RSF1: variants seen among roughly 807,000 people sequenced by gnomAD.
RSF1 encodes the protein remodeling and spacing factor 1, also known as HBV pX-associated protein 8.
In RSF1, 13 loss-of-function variants were observed where a neutral mutation model predicts 145.2. The observed-to-expected ratio is 0.09, with a 90% CI of 0.06 to 0.14. The LOEUF (loss-of-function observed/expected upper bound fraction) is 0.14, where lower values mean the gene tolerates loss of function less well. Ranked by LOEUF, RSF1 falls within the 10% of genes least tolerant of loss-of-function variation. RSF1 has a pLI of 1.00. For missense variants in RSF1, 1,517 were observed against 1,718.2 expected (o/e 0.88, Z 2.07); for synonymous variants, 577 against 592.6 (o/e 0.97, Z 0.38).
chr11:77,773,142 A>G (rs1320961706), intron 1 of RSF1, among the ~76,000 whole-genome samples: 1 of 152,216 alleles, frequency 6.6e-6, no homozygotes, highest in African/African-American at 2.4e-5. Flanking sequence ...TTCCTTTCTT[A>G]AAAAACAGCA....
chr11:77,735,161 G>A (rs1343134903), intron 4 of RSF1: 3 of 701,048 alleles, frequency 4.3e-6, no homozygotes, highest in Admixed American at 2.0e-5. Context: ...GCTGGGGTGG[G>A]GGACGAGCAC....
At chr11:77,832,291 T>C in the RSF1 span, among the ~76,000 whole-genome samples, 1 of 151,812 alleles carries the variant, frequency 6.6e-6, no homozygotes, top group East Asian at 1.9e-4. Context: ...TCTTTGAGTT[T>C]ATAAGTTTAT....
chr11:77,677,133 G>A (rs1374742178), intron 12 of RSF1, 134 bp from the exon 13 acceptor site: 4 of 692,162 alleles, frequency 5.8e-6, no homozygotes, highest in Non-Finnish European at 9.7e-6. Context: ...CAAATATGCA[G>A]TTTTCTTATG....
chr11:77,753,584 T>C (rs959268969), intron 2 of RSF1, among the ~76,000 whole-genome samples: 4 of 152,224 alleles, frequency 2.6e-5, no homozygotes, highest in African/African-American at 7.2e-5. Flanking sequence ...ATGAGAATTT[T>C]TGTGATTTTT....
chr11:77,673,986 G>T (rs915332560), intron 14 of RSF1, among the ~76,000 whole-genome samples: 1 of 151,302 alleles, frequency 6.6e-6, no homozygotes, highest in Non-Finnish European at 1.5e-5. Flanking sequence ...GTTAGGAAAA[G>T]AAAAAAAAGA....
At chr11:77,754,988 T>G (rs1948101401) in intron 2 of RSF1, among the ~76,000 whole-genome samples, 1 of 151,972 alleles carries the variant, frequency 6.6e-6, no homozygotes, top group Non-Finnish European at 1.5e-5. Flanking sequence ...AAAAGACCAG[T>G]GTAAATTAAC....
intron 2 of RSF1, among the ~76,000 whole-genome samples, chr11:77,749,771 C>T (rs538354824): frequency 5.3e-5 from 8 of 152,160 alleles, no homozygotes; most frequent in Non-Finnish European, 8.8e-5. Context: ...ATTTCTGAGA[C>T]GGAGTCTCAC....
chr11:77,682,009 T>C (rs1264104383), intron 11 of RSF1, among the ~76,000 whole-genome samples: 1 of 152,190 alleles, frequency 6.6e-6, no homozygotes, highest in African/African-American at 2.4e-5. Flanking sequence ...ATCTCTATGG[T>C]TTTTCCTGTA....
chr11:77,752,467 G>A (rs906908235), intron 2 of RSF1, among the ~76,000 whole-genome samples: 2 of 151,948 alleles, frequency 1.3e-5, no homozygotes, highest in African/African-American at 2.4e-5. Context: ...TTTCACGCCC[G>A]CCCTATGTAG....
chr11:77,692,233 A>AATTTTTTTTTT (rs1960168661), intron 8 of RSF1, among the ~76,000 whole-genome samples: 1 of 49,472 alleles, frequency 2.0e-5, no homozygotes, highest in Non-Finnish European at 3.3e-5. Context: ...CTACTTTTAA[A>AATTTTTTTTTT]TTTTTTTTTT....
chr11:77,746,303 G>C (rs747990285), intron 3 of RSF1, among the ~76,000 whole-genome samples: 7 of 152,088 alleles, frequency 4.6e-5, no homozygotes, highest in South Asian at 2.1e-4. Flanking sequence ...AGACTTCTGT[G>C]TAGGCTCCAA....
intron 2 of RSF1, among the ~76,000 whole-genome samples, chr11:77,748,444 T>C (rs1342602356): frequency 1.3e-5 from 2 of 151,826 alleles, no homozygotes; most frequent in African/African-American, 2.4e-5. Context: ...AGATGGACAA[T>C]GGACAGTTTA....
intron 3 of RSF1, among the ~76,000 whole-genome samples, chr11:77,744,406 C>G (rs369655266): frequency 6.6e-6 from 1 of 152,170 alleles, no homozygotes; most frequent in Admixed American, 6.5e-5. Context: ...CTCAAGCAAT[C>G]CTCTGCCTCA....
the RSF1 span, among the ~76,000 whole-genome samples, chr11:77,845,094 T>C: frequency 6.6e-6 from 1 of 152,196 alleles, no homozygotes; most frequent in African/African-American, 2.4e-5. Flanking sequence ...GAGTTTGTCC[T>C]ACTTGGAATT....
At chr11:77,820,067 C>T (rs2135998789) in intron 1 of RSF1, among the ~76,000 whole-genome samples, 1 of 152,266 alleles carries the variant, frequency 6.6e-6, no homozygotes, top group Non-Finnish European at 1.5e-5. Context: ...GCAGCCGAGC[C>T]CAGCCTTCCC....
In RSF1 at chr11:77,692,495, C is replaced by T. The variant is rs561754122; in HGVS notation, c.2820+1012G>A. Among the ~76,000 whole-genome samples, 334 of 101,058 alleles carry T rather than the reference C, an allele frequency of 3.3e-3. 53 individuals are homozygous for T. The highest frequency in any genetic ancestry group is 0.016 in the African/African-American group (310 of 19,470). 66.3% of individuals were successfully genotyped at this position (101,058 alleles called of 152,430 possible). A position where few individuals can be genotyped will look rare whatever the true frequency, so the allele number is the denominator to read the frequency against. ...TCCTGACCTCGTGATCCGCCCGCCT[C>T]GGCCTCCCAAAGTGCTGGGATTACA... On this transcript the variant is annotated intron_variant, in intron 8 of 15. Coordinates refer to ENST00000308488, the MANE Select transcript of RSF1 (RefSeq NM_016578.4).
At chr11:77,813,249 G>T in intron 1 of RSF1, 2 of 593,628 alleles carry the variant, frequency 3.4e-6, no homozygotes, top group Non-Finnish European at 6.1e-6. Context: ...GTCTAATGAT[G>T]AATGGGATCA....
rs894482646 is a variant in RSF1, at chr11:77,735,083, C to T, written c.578+5648G>A. On this transcript the variant is annotated intron_variant, in intron 4 of 15. Transcript: ENST00000308488. ...CAGTGGCTGCGTGGCGCTGGGGCGG[C>T]GGCAGGGGCCTTGGGGCGGTCTGAG... 9.2e-5 allele frequency: 92 copies of T among 996,544 alleles called. 1 individual carries two copies. Among genetic ancestry groups the T allele is most frequent in the Admixed American group, 9.6e-5 (5 of 52,186 alleles). 61.7% of individuals were successfully genotyped at this position (996,544 alleles called of 1,614,324 possible).
At chr11:77,731,876 G>A (rs1271296437) in intron 4 of RSF1, among the ~76,000 whole-genome samples, 3 of 152,224 alleles carry the variant, frequency 2.0e-5, no homozygotes, top group East Asian at 3.9e-4. Flanking sequence ...GGGGTTGGGG[G>A]CCCTCATGGA....
Sources: allele counts gnomAD v4.1 joint callset (sites outside exome capture counted in the v4.1 genomes callset), GRCh38; gene constraint gnomAD v4.1.1; transcripts MANE v1.5; gene names NCBI Gene and HGNC (gene_info 2026-07-23, HGNC 2026-07-21).